FZD4: variants seen among roughly 807,000 people sequenced by gnomAD.
FZD4 encodes frizzled class receptor 4, also known as frizzled-4.
In FZD4, 16 loss-of-function variants were observed where a neutral mutation model predicts 37.3. That is an observed-to-expected ratio of 0.43 (90% CI 0.29 to 0.65). The LOEUF is 0.65. FZD4 is among the 30% of genes least tolerant of loss of function. The pLI is 0.16. For missense variants in FZD4, 599 were observed against 674.3 expected (o/e 0.89, Z 1.24); for synonymous variants, 246 against 254.8 (o/e 0.97, Z 0.33).
In FZD4 at chr11:86,952,137, C is replaced by T. The variant is rs1949299176; in HGVS notation, c.619G>A (p.Asp207Asn). 1.9e-6 allele frequency: 3 copies of T among 1,613,030 alleles called. No homozygotes were observed. Among genetic ancestry groups the T allele is most frequent in the Non-Finnish European group, 2.5e-6 (3 of 1,179,314 alleles). Reference sequence around the variant, plus strand: ...GCTGAGCGGCTGTATAAGCCAGCATCATAGCCACACTTGAGCACACAGTTC... The same window carrying T: ...GCTGAGCGGCTGTATAAGCCAGCATTATAGCCACACTTGAGCACACAGTTC... ...SLNCVLKCGY[D>N]AGLYSRSAKE... The change falls in exon 2 of 2, where the codon GAT becomes AAT. Residue 207 changes from aspartate (D) to asparagine (N), a missense_variant. Asp to Asn is a conservative substitution (Grantham distance 23, BLOSUM62 1). Around this residue, in one of 3 missense-constraint regions of FZD4, gnomAD observed 357 missense variants for 396.1 expected, o/e 0.90. Transcript: ENST00000531380.
At chr11:86,954,294 C>G in intron 1 of FZD4, 7 of 985,182 alleles carry the variant, frequency 7.1e-6, no homozygotes, top group Non-Finnish European at 8.4e-6. Flanking sequence ...AACCCAACCA[C>G]TCCTTCATGC....
In FZD4 at chr11:86,955,388, C is replaced by A. The variant is rs1949328525; in HGVS notation, c.-303G>T. ...AGGCCAGCCAGCAGCCAGCGCTGCG[C>A]AGCTCTCACCGCCGGAGCCCTGCGC... On this transcript the variant is annotated 5_prime_UTR_variant, in exon 1 of 2. Transcript: ENST00000531380. 3.7e-6 allele frequency: 1 copy of A among 270,516 alleles called. No homozygotes were observed. Among genetic ancestry groups the A allele is most frequent in the African/African-American group, 2.2e-5 (1 of 45,076 alleles). The allele number at this position is 270,516 out of a possible 1,614,324, so 16.8% of individuals were successfully genotyped here.
In FZD4 at chr11:86,951,019, G is replaced by A; in HGVS notation, c.*123C>T. Reference sequence around the variant, plus strand: ...GGTGGGAGGCAGTGGGTTGACGGGGGTCACTTAATTGTTGCTAGTTTGTTC... The same window carrying A: ...GGTGGGAGGCAGTGGGTTGACGGGGATCACTTAATTGTTGCTAGTTTGTTC... On this transcript the variant is annotated 3_prime_UTR_variant, in exon 2 of 2. Transcript: ENST00000531380. 4 of 1,045,402 alleles carry A rather than the reference G, an allele frequency of 3.8e-6. No individual in the cohort carries two copies. Among genetic ancestry groups the A allele is most frequent in the Non-Finnish European group, 6.0e-6 (4 of 671,156 alleles). The allele number at this position is 1,045,402 out of a possible 1,614,324, so 64.8% of individuals were successfully genotyped here. A position where few individuals can be genotyped will look rare whatever the true frequency, so the allele number is the denominator to read the frequency against.
rs758540332 is a variant in FZD4 at position 86,951,216 on chromosome 11, A to C, written c.1540T>G (p.Ser514Ala). Residue 514 changes from serine to alanine, a missense_variant, in exon 2 of 2, where the codon TCT (serine) becomes GCT (alanine). Ser to Ala is a moderately conservative substitution (Grantham distance 99). This residue lies in a region of FZD4 where 203 missense variants were observed against 196.8 expected (regional missense o/e 1.03). Coordinates refer to ENST00000531380, the MANE Select transcript of FZD4 (RefSeq NM_012193.4). Reference sequence around the variant, plus strand: ...CTCTTCTCTCTCTTTACCTTTCCAGAATTCACCAATCTGTTGGAACACTTC... The same window carrying C: ...CTCTTCTCTCTCTTTACCTTTCCAGCATTCACCAATCTGTTGGAACACTTC... The part of the protein sequence containing the change: ...WQKCSNRLVN[S>A]GKVKREKRGN... 1 of 1,614,074 alleles carries C rather than the reference A, an allele frequency of 6.2e-7. No homozygotes were observed. The highest frequency in any genetic ancestry group is 1.7e-5 in the Admixed American group (1 of 60,016).
chr11:86,950,833 T>C lies in FZD4; in HGVS notation c.*309A>G. ...AGGGGAAAACAGTATCGCCCTGGACTTCCTGGAATCTAGGCAGGACCTCCA... is the reference window on the plus strand; with the variant it reads ...AGGGGAAAACAGTATCGCCCTGGACCTCCTGGAATCTAGGCAGGACCTCCA... On this transcript the variant is annotated 3_prime_UTR_variant, in exon 2 of 2. Transcript: ENST00000531380. 2.2e-6 allele frequency: 1 copy of C among 445,066 alleles called. No individual in the cohort carries two copies. Among genetic ancestry groups the C allele is most frequent in the Non-Finnish European group, 4.2e-6 (1 of 240,908 alleles). The allele number at this position is 445,066 out of a possible 1,614,324, so 27.6% of individuals were successfully genotyped here.
intron 1 of FZD4, among the ~76,000 whole-genome samples, chr11:86,953,320 TA>T (rs1949309926): frequency 2.0e-5 from 3 of 152,220 alleles, no homozygotes; most frequent in Admixed American, 1.3e-4. Context: ...TACATGTAAT[TA>T]AAAATATATA....
At position 86,952,387 on chromosome 11, in the gene FZD4, T is replaced by A. The variant is rs779257431; in HGVS notation, c.369A>T (p.Ser123=). 3 of 1,614,168 alleles carry A rather than the reference T, an allele frequency of 1.9e-6. No homozygotes were observed. Among genetic ancestry groups the A allele is most frequent in the Non-Finnish European group, 2.5e-6 (3 of 1,180,014 alleles). The change falls in exon 2 of 2, where the codon TCA becomes TCT. Residue 123 remains serine, a synonymous_variant. Transcript: ENST00000531380. ...PIGPCGGMCL[S]VKRRCEPVLK... is the part of the protein sequence containing the mutation. Reference sequence around the variant, plus strand: ...GGACGGGTTCACAGCGTCTCTTGACTGAAAGACACATGCCGCCGCATGGGC... The same window carrying A: ...GGACGGGTTCACAGCGTCTCTTGACAGAAAGACACATGCCGCCGCATGGGC...
intron 1 of FZD4, 39 bp from the exon 2 acceptor site, chr11:86,952,509 A>G: frequency 1.2e-6 from 2 of 1,602,532 alleles, no homozygotes; most frequent in East Asian, 2.2e-5. Flanking sequence ...AAAAAAAACA[A>G]TGACTTGGAA....
At position 86,950,934 on chromosome 11, in the gene FZD4, C is replaced by T; in HGVS notation, c.*208G>A. Reference sequence around the variant, plus strand: ...CTTTGAAAGCCTCTAACTGGCTTTTCCATTTTGGATCATTCCAAAGTCTGC... The same window carrying T: ...CTTTGAAAGCCTCTAACTGGCTTTTTCATTTTGGATCATTCCAAAGTCTGC... On this transcript the variant is annotated 3_prime_UTR_variant, in exon 2 of 2. Transcript: ENST00000531380. 1.6e-6 allele frequency: 1 copy of T among 626,258 alleles called. No individual in the cohort carries two copies. Among genetic ancestry groups the T allele is most frequent in the South Asian group, 1.9e-5 (1 of 52,330 alleles). The allele number at this position is 626,258 out of a possible 1,614,324, so 38.8% of individuals were successfully genotyped here. A position where few individuals can be genotyped will look rare whatever the true frequency, so the allele number is the denominator to read the frequency against.
intron 1 of FZD4, chr11:86,954,532 T>C (rs1288330288): frequency 1.2e-5 from 12 of 984,344 alleles, no homozygotes; most frequent in Non-Finnish European, 1.2e-5. Flanking sequence ...TCAGCTCCAC[T>C]GGGGTTAGGG....
intron 1 of FZD4, among the ~76,000 whole-genome samples, chr11:86,953,884 G>A (rs1590944848): frequency 1.3e-5 from 2 of 152,196 alleles, no homozygotes; most frequent in African/African-American, 4.8e-5. Context: ...CAAAGTGCTG[G>A]GATTACAGGC....
chr11:86,955,284 G>A lies in FZD4; in HGVS notation c.-199C>T. On this transcript the variant is annotated 5_prime_UTR_variant, in exon 1 of 2. Transcript: ENST00000531380. ...TTTAGACGTCCCGGGCCGAGGCCGA[G>A]GGACAGGCTGCGAGGGTCATGGCTG... is the stretch of plus-strand genomic sequence containing the variant. 1 of 471,106 alleles carries A rather than the reference G, an allele frequency of 2.1e-6. No homozygotes were observed. Among genetic ancestry groups the A allele is most frequent in the Non-Finnish European group, 3.7e-6 (1 of 272,928 alleles). The allele number at this position is 471,106 out of a possible 1,614,324, so 29.2% of individuals were successfully genotyped here. A position where few individuals can be genotyped will look rare whatever the true frequency, so the allele number is the denominator to read the frequency against.
At chr11:86,954,359 G>A (rs1404193944) in intron 1 of FZD4, 1 of 985,196 alleles carries the variant, frequency 1.0e-6, no homozygotes, top group African/African-American at 1.7e-5. Context: ...AGCAGAAAAA[G>A]GTGCAGTAGT....
Position 86,951,799 on chromosome 11 carries a change from C to T in FZD4, c.957G>A (p.Trp319Ter), listed in dbSNP as rs80358291. ...ACCAAGTGAGTGTCAGAATAACCCA[C>T]CAAATGGAGCTGGCCATTCCAAAAA... The part of the protein sequence containing the change: ...MYFFGMASSI[W>*]WVILTLTWFL... The change falls in exon 2 of 2, where the codon TGG becomes TGA. Residue 319 changes from tryptophan (W) to a stop codon, truncating the protein, a stop_gained. Transcript: ENST00000531380. LOFTEE classifies it high-confidence loss of function. 2 of 1,614,082 alleles carry T rather than the reference C, an allele frequency of 1.2e-6. No individual in the cohort carries two copies. The highest frequency in any genetic ancestry group is 1.7e-6 in the Non-Finnish European group (2 of 1,179,992).
At position 86,950,821 on chromosome 11, in the gene FZD4, A is replaced by T; in HGVS notation, c.*321T>A. ...ATCCCACCCTGCAGGGGAAAACAGT[A>T]TCGCCCTGGACTTCCTGGAATCTAG... On this transcript the variant is annotated 3_prime_UTR_variant, in exon 2 of 2. Coordinates refer to ENST00000531380, the MANE Select transcript of FZD4 (RefSeq NM_012193.4). The T allele has an allele frequency of 2.4e-6, 1 of 411,428 alleles. No individual in the cohort carries two copies. The highest frequency in any genetic ancestry group is 4.5e-6 in the Non-Finnish European group (1 of 221,250). The allele number at this position is 411,428 out of a possible 1,614,324, so 25.5% of individuals were successfully genotyped here.
chr11:86,948,393 G>T lies in FZD4; in HGVS notation c.*2749C>A, dbSNP rs941260907. ...TCGGCACTCAATAAATAAAATAACT[G>T]ATTTTTTTAACAAATACCGATTTAA... On this transcript the variant is annotated 3_prime_UTR_variant, in exon 2 of 2. Coordinates refer to ENST00000531380, the MANE Select transcript of FZD4 (RefSeq NM_012193.4). 21 of 151,944 alleles carry T rather than the reference G, an allele frequency of 1.4e-4. No individual in the cohort carries two copies. The highest frequency in any genetic ancestry group is 4.8e-4 in the African/African-American group (20 of 41,360). 9.4% of individuals were successfully genotyped at this position (151,944 alleles called of 1,614,324 possible).
chr11:86,951,604 G>C lies in FZD4; in HGVS notation c.1152C>G (p.Leu384=), dbSNP rs774888661. The change falls in exon 2 of 2, where the codon CTC becomes CTG. Residue 384 remains leucine, a synonymous_variant. Coordinates refer to ENST00000531380, the MANE Select transcript of FZD4 (RefSeq NM_012193.4). ...TGLCYVGNQN[L]DALTGFVVAP... is the part of the protein sequence containing the mutation. The stretch of plus-strand genomic sequence containing the variant: ...CCACCACGAACCCGGTGAGGGCATC[G>C]AGATTTTGGTTTCCAACATAGCACA... 3 of 1,614,088 alleles carry C rather than the reference G, an allele frequency of 1.9e-6. No individual in the cohort carries two copies. Among genetic ancestry groups the C allele is most frequent in the Non-Finnish European group, 2.5e-6 (3 of 1,179,962 alleles).
rs1277322065 is a variant in FZD4, at chr11:86,954,444, C to G, written c.285+357G>C. 3 of 985,288 alleles carry G rather than the reference C, an allele frequency of 3.0e-6. No individual in the cohort carries two copies. In the African/African-American group the frequency reaches 5.2e-5, roughly 17 times the overall value. The allele number at this position is 985,288 out of a possible 1,614,324, so 61.0% of individuals were successfully genotyped here. A position where few individuals can be genotyped will look rare whatever the true frequency, so the allele number is the denominator to read the frequency against. ...AAGGATGGTCTCCTTATCACTCCCT[C>G]CAAGTCTTAGCTGCAGCTGGCTCCC... On this transcript the variant is annotated intron_variant, in intron 1 of 1. Coordinates refer to ENST00000531380, the MANE Select transcript of FZD4 (RefSeq NM_012193.4).
Position 86,950,689 on chromosome 11 carries a change from G to C in FZD4, c.*453C>G, listed in dbSNP as rs1427551089. 2 of 216,742 alleles carry C rather than the reference G, an allele frequency of 9.2e-6. No individual in the cohort carries two copies. Among genetic ancestry groups the C allele is most frequent in the African/African-American group, 2.3e-5 (1 of 43,628 alleles). 13.4% of individuals were successfully genotyped at this position (216,742 alleles called of 1,614,324 possible). A position where few individuals can be genotyped will look rare whatever the true frequency, so the allele number is the denominator to read the frequency against. On this transcript the variant is annotated 3_prime_UTR_variant, in exon 2 of 2. Coordinates refer to ENST00000531380, the MANE Select transcript of FZD4 (RefSeq NM_012193.4). ...CACTTTTCTGAACCCAGCGTTTCCA[G>C]TGTTTATAGATTGCTTTGCTATCTG...
Sources: gnomAD v4.1 joint callset for allele counts (sites outside exome capture counted in the v4.1 genomes callset) on GRCh38, gnomAD v4.1.1 for gene constraint, gnomAD v4.1.1 regional missense constraint, MANE v1.5 for transcripts, NCBI Gene and HGNC (gene_info 2026-07-23, HGNC 2026-07-21) for gene names.